Variants in P2RY8 observed in about 807,000 individuals in gnomAD.
P2RY8 encodes S-geranylgeranyl-glutathione receptor P2RY8.
P2RY8 carries 6 observed loss-of-function variants against 10.0 expected under a neutral mutation model. The ratio of observed to expected loss-of-function variants is 0.60; its 90% confidence interval spans 0.33 to 1.19. P2RY8 has a LOEUF of 1.19. Ranked by LOEUF, P2RY8 falls within the 50% of genes most tolerant of loss-of-function variation. P2RY8 has a pLI of 0.04. For missense variants in P2RY8, 456 were observed against 542.0 expected (o/e 0.84, Z 1.58); for synonymous variants, 276 against 252.5 (o/e 1.09, Z -0.88).
chrX:1,467,896 C>G (rs1411891378), intron 1 of P2RY8, among the ~76,000 whole-genome samples: 15 of 152,134 alleles, frequency 9.9e-5, no homozygotes, highest in Non-Finnish European at 1.5e-4. Flanking sequence ...CCAGGCTGGT[C>G]TCAAACTCCT....
At chrX:1,469,719 A>G (rs753018950) in intron 1 of P2RY8, among the ~76,000 whole-genome samples, 5 of 151,760 alleles carry the variant, frequency 3.3e-5, no homozygotes, top group South Asian at 4.2e-4. Context: ...GTGAAACCCC[A>G]TCTCTACTAA....
chrX:1,533,286 A>C (rs1324261761), intron 1 of P2RY8, among the ~76,000 whole-genome samples: 1 of 149,786 alleles, frequency 6.7e-6, no homozygotes, highest in Non-Finnish European at 1.5e-5. Context: ...TTCTGAAAAA[A>C]TCTTCTGAGG....
intron 1 of P2RY8, among the ~76,000 whole-genome samples, chrX:1,513,968 T>C (rs1225574042): frequency 2.0e-5 from 3 of 152,208 alleles, no homozygotes; most frequent in Non-Finnish European, 4.4e-5. Flanking sequence ...AAATCACATC[T>C]TCAAAGACTT....
intron 1 of P2RY8, among the ~76,000 whole-genome samples, chrX:1,466,943 TC>T (rs2091691978): frequency 8.6e-6 from 1 of 116,196 alleles, no homozygotes. Flanking sequence ...ATTGGAGACC[TC>T]GGCCCACGTC....
chrX:1,508,738 C>CTATCTATCTATCTATTTCTAT (rs2092259364), intron 1 of P2RY8, among the ~76,000 whole-genome samples: 4 of 148,308 alleles, frequency 2.7e-5, no homozygotes, highest in Non-Finnish European at 4.5e-5. Flanking sequence ...ATCTATCTAT[C>CTATCTATCTATCTATTTCTAT]TATCTATCTA....
chrX:1,478,982 T>C (rs1485047766), intron 1 of P2RY8, among the ~76,000 whole-genome samples: 2 of 152,162 alleles, frequency 1.3e-5, no homozygotes. Flanking sequence ...GGTTCCCACA[T>C]TCCAAGTCCC....
chrX:1,513,617 C>G (rs1268895476), intron 1 of P2RY8, among the ~76,000 whole-genome samples: 1 of 151,760 alleles, frequency 6.6e-6, no homozygotes, highest in Non-Finnish European at 1.5e-5. Context: ...ATCTCAAGGT[C>G]CTTAACTTAA....
Position 1,508,002 on chromosome X carries a change from C to G in P2RY8, c.-25+28919G>C, listed in dbSNP as rs749435714. On this transcript the variant is annotated intron_variant, in intron 1 of 1. Transcript: ENST00000381297. ...CAGGAGACCTCCCTGCCGCCTCCCCCACCTCTTTCACCCCGTATGGCGTGT... is the reference window on the plus strand; with the variant it reads ...CAGGAGACCTCCCTGCCGCCTCCCCGACCTCTTTCACCCCGTATGGCGTGT... 6.2e-4 allele frequency among the ~76,000 whole-genome samples: 95 copies of G among 152,262 alleles called. 1 individual carries two copies. Among genetic ancestry groups the G allele is most frequent in the South Asian group, 2.7e-3 (13 of 4,826 alleles).
intron 1 of P2RY8, among the ~76,000 whole-genome samples, chrX:1,502,690 C>T (rs1277719330): frequency 2.6e-5 from 4 of 152,096 alleles, no homozygotes; most frequent in African/African-American, 7.2e-5. Context: ...AGATTCATTC[C>T]GTTGTGGATC....
At position 1,466,468 on chromosome X, in the gene P2RY8, A is replaced by T; in HGVS notation, c.91T>A (p.Ser31Thr). Residue 31 changes from serine (S) to threonine (T), a missense_variant, in exon 2 of 2, where the codon TCG becomes ACG. By Grantham distance (58) the Ser-to-Thr change is moderately conservative. Coordinates refer to ENST00000381297, the MANE Select transcript of P2RY8 (RefSeq NM_178129.5). ...AIAVALPVVY[S>T]LVAAVSIPGN... is the part of the protein sequence containing the mutation. ...GGGATGCTGACCGCCGCCACCAGCGAGTACACCACGGGCAGGGCCACCGCG... is the reference window on the plus strand; with the variant it reads ...GGGATGCTGACCGCCGCCACCAGCGTGTACACCACGGGCAGGGCCACCGCG... 1.9e-6 allele frequency: 3 copies of T among 1,612,164 alleles called. No homozygotes were observed. In the South Asian group the frequency reaches 3.3e-5, roughly 18 times the overall value.
At chrX:1,523,814 C>T (rs1456384974) in intron 1 of P2RY8, among the ~76,000 whole-genome samples, 3 of 152,092 alleles carry the variant, frequency 2.0e-5, no homozygotes, top group Non-Finnish European at 2.9e-5. Flanking sequence ...TCCCCAGTAG[C>T]TGGGATTATA....
rs2091640930 is a variant in P2RY8 at position 1,464,870 on chromosome X, C to T, written c.*609G>A. Reference sequence around the variant, plus strand: ...GCTCCTCTGAAAGAAGAATTCCAACCACAGCAACCACAGTGCCCCTGAGTG... The same window carrying T: ...GCTCCTCTGAAAGAAGAATTCCAACTACAGCAACCACAGTGCCCCTGAGTG... On this transcript the variant is annotated 3_prime_UTR_variant, in exon 2 of 2. Coordinates refer to ENST00000381297, the MANE Select transcript of P2RY8 (RefSeq NM_178129.5). 4.3e-6 allele frequency: 1 copy of T among 233,690 alleles called. No homozygotes were observed. Among genetic ancestry groups the T allele is most frequent in the African/African-American group, 2.2e-5 (1 of 45,300 alleles). 14.5% of individuals were successfully genotyped at this position (233,690 alleles called of 1,614,324 possible). A position where few individuals can be genotyped will look rare whatever the true frequency, so the allele number is the denominator to read the frequency against.
chrX:1,503,284 G>A (rs142565685), intron 1 of P2RY8, among the ~76,000 whole-genome samples: 5,200 of 152,230 alleles, frequency 0.034, 129 homozygotes, highest in African/African-American at 0.07. Flanking sequence ...TCTGGCCCCC[G>A]GAACTGTAAG....
chrX:1,465,816 G>T lies in P2RY8; in HGVS notation c.743C>A (p.Thr248Asn). The stretch of plus-strand genomic sequence containing the variant: ...CACGAAGTTGTTGGGGGCGAAGCAG[G>T]TGACAAAGGCCAGCAAGACCACCGC... Reference protein sequence around the residue: ...LAAVVLLAFVTCFAPNNFVLL... With the variant: ...LAAVVLLAFVNCFAPNNFVLL... Residue 248 changes from threonine (T) to asparagine (N), a missense_variant, in exon 2 of 2, where the codon ACC becomes AAC. Thr to Asn is a moderately conservative substitution (Grantham distance 65, BLOSUM62 0). Transcript: ENST00000381297. 1.2e-6 allele frequency: 2 copies of T among 1,613,336 alleles called. No individual in the cohort carries two copies. Among genetic ancestry groups the T allele is most frequent in the Non-Finnish European group, 8.5e-7 (1 of 1,179,812 alleles).
chrX:1,516,517 C>A (rs2092351255), intron 1 of P2RY8, among the ~76,000 whole-genome samples: 1 of 151,190 alleles, frequency 6.6e-6, no homozygotes, highest in South Asian at 2.1e-4. Flanking sequence ...ACTAAGAGAT[C>A]TCATAAGAAG....
rs1375821637 is a variant in P2RY8 at position 1,485,778 on chromosome X, TTGTG to T, written c.-24-19200_-24-19197del. Reference sequence around the variant, plus strand: ...GTATCATTTATATGTTATATATAATTTGTGTATTATATGTAACATATTGAACATA... The same window carrying T: ...GTATCATTTATATGTTATATATAATTTATTATATGTAACATATTGAACATA... On this transcript the variant is annotated intron_variant, in intron 1 of 1. Transcript: ENST00000381297. 6.7e-5 allele frequency among the ~76,000 whole-genome samples: 10 copies of T among 149,312 alleles called. No individual in the cohort carries two copies. In the South Asian group the frequency reaches 2.1e-3, roughly 31 times the overall value.
At chrX:1,510,274 C>A (rs764469241) in intron 1 of P2RY8, among the ~76,000 whole-genome samples, 1 of 152,134 alleles carries the variant, frequency 6.6e-6, no homozygotes, top group African/African-American at 2.4e-5. Flanking sequence ...TGGCTTAGAG[C>A]GTGATGGACT....
intron 1 of P2RY8, among the ~76,000 whole-genome samples, chrX:1,468,310 A>C (rs1359288878): frequency 2.0e-5 from 3 of 152,188 alleles, no homozygotes; most frequent in Non-Finnish European, 4.4e-5. Context: ...TGCTGTTGAA[A>C]GTCCTACGGT....
intron 1 of P2RY8, among the ~76,000 whole-genome samples, chrX:1,484,661 G>A (rs2091969580): frequency 7.0e-6 from 1 of 143,788 alleles, no homozygotes; most frequent in Non-Finnish European, 1.5e-5. Context: ...CCGGGAGGCG[G>A]AGGTTGCAGT....
Sources: gnomAD v4.1 joint callset for allele counts (sites outside exome capture counted in the v4.1 genomes callset) on GRCh38, gnomAD v4.1.1 for gene constraint, MANE v1.5 for transcripts, NCBI Gene and HGNC (gene_info 2026-07-23, HGNC 2026-07-21) for gene names.